The following SULF1 variants were observed in gnomAD, a reference collection of about 807,000 sequenced individuals.
SULF1 encodes the protein sulfatase 1.
In SULF1, 46 loss-of-function variants were observed where a neutral mutation model predicts 110.5. The ratio of observed to expected loss-of-function variants is 0.42; its 90% confidence interval spans 0.33 to 0.53. SULF1 has a LOEUF of 0.53. Ranked by LOEUF, SULF1 falls within the 20% of genes least tolerant of loss-of-function variation. The pLI is 0.12. For missense variants in SULF1, 941 were observed against 1,094.2 expected, an observed-to-expected ratio of 0.86 and a Z score of 1.98; for synonymous variants, 371 against 387.1, an observed-to-expected ratio of 0.96 and a Z score of 0.49.
chr8:69,552,253 T>G (rs189370045), intron 3 of SULF1, among the ~76,000 whole-genome samples: 1 of 152,186 alleles, frequency 6.6e-6, no homozygotes, highest in Non-Finnish European at 1.5e-5. Context: ...TGCGTAGCTC[T>G]TTTAAAGTGT....
intron 1 of SULF1, among the ~76,000 whole-genome samples, chr8:69,470,369 G>A (rs1189303736): frequency 3.9e-5 from 6 of 152,084 alleles, no homozygotes; most frequent in Non-Finnish European, 8.8e-5. Context: ...TTTGAAAGGA[G>A]ATATCTTATG....
chr8:69,565,888 C>A (rs1178122377), intron 5 of SULF1, among the ~76,000 whole-genome samples: 1 of 152,104 alleles, frequency 6.6e-6, no homozygotes, highest in African/African-American at 2.4e-5. Context: ...GGCTTCACCC[C>A]CCTCGCCTCT....
chr8:69,552,641 C>T lies in SULF1; in HGVS notation c.-133-10898C>T, dbSNP rs116569043. Among the ~76,000 whole-genome samples, 627 of 152,310 alleles carry T rather than the reference C, an allele frequency of 4.1e-3. 2 individuals carry two copies. Among genetic ancestry groups the T allele is most frequent in the African/African-American group, 0.015 (606 of 41,568 alleles). ...TGCTGGCTTGCTATTTGTGTAACTA[C>T]AGTTTTACAGGATTTATTGATCCAA... On this transcript the variant is annotated intron_variant, in intron 3 of 22. Transcript: ENST00000402687.
chr8:69,473,674 T>C (rs1004275804), intron 1 of SULF1, among the ~76,000 whole-genome samples: 2 of 152,214 alleles, frequency 1.3e-5, no homozygotes, highest in African/African-American at 4.8e-5. Flanking sequence ...AATTGAATTG[T>C]CTGTTCTTAA....
intron 3 of SULF1, among the ~76,000 whole-genome samples, chr8:69,521,212 T>G (rs1167949482): frequency 6.6e-6 from 1 of 152,198 alleles, no homozygotes; most frequent in Non-Finnish European, 1.5e-5. Context: ...TTCATTAATT[T>G]AATAAATATT....
chr8:69,605,953 A>C lies in SULF1; in HGVS notation c.1377+1021A>C, dbSNP rs934619986. On this transcript the variant is annotated intron_variant, in intron 13 of 22. Coordinates refer to ENST00000402687, the MANE Select transcript of SULF1 (RefSeq NM_001128205.2). ...AGGCCACTTGCTGCCTTCCAAGGTA[A>C]GTTACAATAACCAGGTGAAGAGAAG... Among the ~76,000 whole-genome samples, 6 of 152,206 alleles carry C rather than the reference A, an allele frequency of 3.9e-5. No individual in the cohort carries two copies. In the South Asian group the frequency reaches 6.2e-4, roughly 16 times the overall value.
At chr8:69,629,437 A>G in intron 18 of SULF1, 67 bp from the exon 19 acceptor site, 1 of 1,498,186 alleles carries the variant, frequency 6.7e-7, no homozygotes, top group Non-Finnish European at 9.0e-7. Context: ...GACTCACAGC[A>G]ACAAGCCTAT....
intron 22 of SULF1, among the ~76,000 whole-genome samples, chr8:69,652,865 C>T (rs1209645379): frequency 6.6e-6 from 1 of 152,218 alleles, no homozygotes; most frequent in Non-Finnish European, 1.5e-5. Flanking sequence ...TTCCACCACG[C>T]AGCTGCGTTG....
At chr8:69,486,844 C>A (rs58816064) in intron 1 of SULF1, among the ~76,000 whole-genome samples, 1 of 152,312 alleles carries the variant, frequency 6.6e-6, no homozygotes, top group East Asian at 1.9e-4. Flanking sequence ...TAGGGCATCA[C>A]AATGAACATG....
In SULF1 at chr8:69,486,322, T is replaced by TA. The variant is rs57385713; in HGVS notation, c.-390-9431dup. On this transcript the variant is annotated intron_variant, in intron 1 of 22. Transcript: ENST00000260128. ...CTAAGTAAAGAAACCAGGCTTTTTTTAAAAAAAAAAAATCACAAATCTGTA... is the reference window on the plus strand; with the variant it reads ...CTAAGTAAAGAAACCAGGCTTTTTTTAAAAAAAAAAAAATCACAAATCTGTA... Among the ~76,000 whole-genome samples the TA allele has an allele frequency of 3.0e-3, 454 of 150,228 alleles. 2 individuals carry two copies. The highest frequency in any genetic ancestry group is 4.5e-3 in the Non-Finnish European group (305 of 67,328).
Position 69,658,855 on chromosome 8 carries a change from G to C in SULF1, c.*320G>C. On this transcript the variant is annotated 3_prime_UTR_variant, in exon 23 of 23. Transcript: ENST00000402687. ...GAAAACACCTCATTTGACCTTGCCA[G>C]CTGACCTTCAAACCCTGCATTTGAA... 1.8e-6 allele frequency: 1 copy of C among 545,994 alleles called. No homozygotes were observed. The highest frequency in any genetic ancestry group is 1.5e-5 in the South Asian group (1 of 65,384). The allele number at this position is 545,994 out of a possible 1,614,324, so 33.8% of individuals were successfully genotyped here. A position where few individuals can be genotyped will look rare whatever the true frequency, so the allele number is the denominator to read the frequency against.
intron 13 of SULF1, 94 bp from the exon 14 acceptor site, chr8:69,620,941 A>AAAAAAAG (rs1234860555): frequency 1.2e-5 from 13 of 1,111,528 alleles, no homozygotes; most frequent in Admixed American, 5.1e-5. Flanking sequence ...AGTGCTTCTA[A>AAAAAAAG]AAAAAAGAAA....
At chr8:69,634,901 G>T (rs530580909) in intron 19 of SULF1, among the ~76,000 whole-genome samples, 8 of 152,238 alleles carry the variant, frequency 5.3e-5, no homozygotes, top group African/African-American at 1.9e-4. Context: ...TCCGCCTCCC[G>T]GGTTCAAGTG....
At chr8:69,581,752 A>C (rs1049701917) in intron 6 of SULF1, among the ~76,000 whole-genome samples, 1 of 152,204 alleles carries the variant, frequency 6.6e-6, no homozygotes, top group African/African-American at 2.4e-5. Flanking sequence ...CCAGATAATC[A>C]ATTGCAGAGC....
At chr8:69,530,533 T>C (rs562491486) in intron 3 of SULF1, among the ~76,000 whole-genome samples, 94 of 152,344 alleles carry the variant, frequency 6.2e-4, no homozygotes, top group Non-Finnish European at 9.3e-4. Context: ...TACTTGGTTA[T>C]GCCTGTTCTG....
At chr8:69,531,194 G>A (rs1813059028) in intron 3 of SULF1, among the ~76,000 whole-genome samples, 1 of 152,192 alleles carries the variant, frequency 6.6e-6, no homozygotes, top group Non-Finnish European at 1.5e-5. Context: ...CCTAGCTCAT[G>A]CCTGTGCTCT....
chr8:69,567,483 C>T (rs956526103), intron 5 of SULF1, among the ~76,000 whole-genome samples: 11 of 152,148 alleles, frequency 7.2e-5, no homozygotes, highest in Non-Finnish European at 1.5e-4. Flanking sequence ...CATTAAACAG[C>T]AACTCCCGTT....
intron 10 of SULF1, 115 bp downstream of exon 10, chr8:69,601,944 T>C: frequency 9.3e-7 from 1 of 1,070,770 alleles, no homozygotes. Flanking sequence ...AAAGGATGTG[T>C]GTAGGCTGGT....
rs573515285 is a variant in SULF1 at position 69,643,778 on chromosome 8, G to A, written c.2585+2937G>A. Among the ~76,000 whole-genome samples, 4 of 152,300 alleles carry A rather than the reference G, an allele frequency of 2.6e-5. No individual in the cohort carries two copies. The South Asian group carries it at 8.3e-4, about 32-fold the overall frequency. ...CTCACCCTGGTCATTTTCCAGTTAG[G>A]ACAAGCTCAAAGGGAGAGCACAGCT... is the stretch of plus-strand genomic sequence containing the variant. On this transcript the variant is annotated intron_variant, in intron 22 of 22. Transcript: ENST00000402687.
Sources: allele counts gnomAD v4.1 joint callset (sites outside exome capture counted in the v4.1 genomes callset), GRCh38; gene constraint gnomAD v4.1.1; transcripts MANE v1.5; gene names NCBI Gene and HGNC (gene_info 2026-07-23, HGNC 2026-07-21).